Variants in DLGAP4 observed in about 807,000 individuals in gnomAD.
DLGAP4 encodes DLG associated protein 4, also known as disks large-associated protein 4.
A neutral mutation model predicts 86.9 loss-of-function variants in DLGAP4; 18 were observed. The observed-to-expected ratio is 0.21, with a 90% CI of 0.14 to 0.31. The LOEUF (loss-of-function observed/expected upper bound fraction) is 0.31. Ranked by LOEUF, DLGAP4 falls within the 10% of genes least tolerant of loss-of-function variation. DLGAP4 has a pLI of 1.00. For missense variants in DLGAP4, 1,085 were observed against 1,362.6 expected (o/e 0.80, Z 3.21); for synonymous variants, 548 against 574.3 (o/e 0.95, Z 0.65).
Position 36,500,585 on chromosome 20 carries a change from C to T in DLGAP4, c.2486C>T (p.Thr829Ile). The T allele has an allele frequency of 1.3e-6, 2 of 1,509,000 alleles. No individual in the cohort carries two copies. Among genetic ancestry groups the T allele is most frequent in the South Asian group, 2.7e-5 (2 of 73,410 alleles). The allele number at this position is 1,509,000 out of a possible 1,614,324, so 93.5% of individuals were successfully genotyped here. The change falls in exon 10 of 13, where the codon ACC becomes ATC. Residue 829 changes from threonine (T) to isoleucine (I), a missense_variant. By Grantham distance (89) the Thr-to-Ile change is moderately conservative. Transcript: ENST00000339266. This position sits in a 1 kb window ranked among gnomAD's most constrained non-coding sequence, Gnocchi z 4.6. ...TGGTGCTGCCAGATGGACAAGGAGACCAAAGAGAACAACCTCTCTGAAGAA... is the reference window on the plus strand; with the variant it reads ...TGGTGCTGCCAGATGGACAAGGAGATCAAAGAGAACAACCTCTCTGAAGAA... ...EGWCCQMDKE[T>I]KENNLSEEVL...
chr20:36,318,488 T>A (rs1177018401), intron 1 of DLGAP4, among the ~76,000 whole-genome samples: 2 of 152,168 alleles, frequency 1.3e-5, no homozygotes, highest in African/African-American at 4.8e-5. Context: ...TCCTCCCCAC[T>A]CAGCCTCCCG....
intron 1 of DLGAP4, among the ~76,000 whole-genome samples, chr20:36,339,269 G>A (rs1055103039): frequency 6.6e-6 from 1 of 152,154 alleles, no homozygotes; most frequent in African/African-American, 2.4e-5. Flanking sequence ...TGTATTTTTA[G>A]TAGAGACGGG....
intron 1 of DLGAP4, among the ~76,000 whole-genome samples, chr20:36,325,893 T>A (rs919266971): frequency 7.2e-5 from 11 of 151,900 alleles, no homozygotes; most frequent in Non-Finnish European, 1.6e-4. Context: ...GATTTTTGTA[T>A]TTTTAGTAGA....
intron 7 of DLGAP4, among the ~76,000 whole-genome samples, chr20:36,463,112 G>C (rs1482126860): frequency 1.3e-5 from 2 of 152,106 alleles, no homozygotes; most frequent in Non-Finnish European, 2.9e-5. Flanking sequence ...GTGCTGCCTG[G>C]ATCTTGCTGA....
rs567386057 is a variant in DLGAP4, at chr20:36,390,050, G to A, written c.-73+22775G>A. Among the ~76,000 whole-genome samples the A allele has an allele frequency of 8.9e-4, 135 of 152,364 alleles. 1 individual carries two copies. In the South Asian group the frequency reaches 0.025, roughly 28 times the overall value. On this transcript the variant is annotated intron_variant, in intron 2 of 12. Coordinates refer to ENST00000339266, the MANE Select transcript of DLGAP4 (RefSeq NM_001365621.2). The stretch of plus-strand genomic sequence containing the variant: ...GCCAGGACCACACCTATCCTGCTGC[G>A]TGGCAGCATGGGCTCCAGGCTGAAA...
At chr20:36,460,424 G>A (rs1487516586) in intron 7 of DLGAP4, among the ~76,000 whole-genome samples, 1 of 152,212 alleles carries the variant, frequency 6.6e-6, no homozygotes, top group African/African-American at 2.4e-5. Flanking sequence ...CCTCAATTCC[G>A]TTTATTATTT....
At chr20:36,336,636 G>A (rs1181852512) in intron 1 of DLGAP4, among the ~76,000 whole-genome samples, 4 of 152,178 alleles carry the variant, frequency 2.6e-5, no homozygotes, top group African/African-American at 9.7e-5. Flanking sequence ...CTAACTGTGG[G>A]TGTGTGTGGG....
At chr20:36,502,918 T>A (rs2036206149) in intron 10 of DLGAP4, among the ~76,000 whole-genome samples, 1 of 151,938 alleles carries the variant, frequency 6.6e-6, no homozygotes, top group Admixed American at 6.6e-5. Flanking sequence ...AGAGATGGGG[T>A]TTCACTGTGT....
At position 36,446,712 on chromosome 20, in the gene DLGAP4, C is replaced by T. The variant is rs2033601437; in HGVS notation, c.1423C>T (p.Leu475=). 6.2e-7 allele frequency: 1 copy of T among 1,605,166 alleles called. No individual in the cohort carries two copies. Among genetic ancestry groups the T allele is most frequent in the Non-Finnish European group, 8.5e-7 (1 of 1,173,486 alleles). The part of the protein sequence containing the change: ...GHEQQVREAE[L]SDQYEAACES... ...GCCTGGACAGGTACGGGAGGCAGAG[C>T]TGAGTGACCAGTATGAGGCGGCCTG... The change falls in exon 7 of 13, where the codon CTG becomes TTG. Residue 475 remains leucine, a synonymous_variant. Coordinates refer to ENST00000339266, the MANE Select transcript of DLGAP4 (RefSeq NM_001365621.2).
At chr20:36,486,435 G>A (rs1191694656) in intron 7 of DLGAP4, among the ~76,000 whole-genome samples, 1 of 152,038 alleles carries the variant, frequency 6.6e-6, no homozygotes, top group East Asian at 1.9e-4. Flanking sequence ...CAACATGAGG[G>A]TGAAGTTAGT....
intron 7 of DLGAP4, among the ~76,000 whole-genome samples, chr20:36,467,025 T>TCG (rs2034419342): frequency 1.8e-5 from 1 of 54,802 alleles, no homozygotes; most frequent in African/African-American, 8.5e-5. Context: ...CTCCTCTCTC[T>TCG]CTCTCTCTCT....
Position 36,527,041 on chromosome 20 carries a change from G to A in DLGAP4, c.*10G>A. ...CCAGACCAGGCTCTGAGACCATGCA[G>A]GAGGAAAGAAACGATTTTAAATCAT... On this transcript the variant is annotated 3_prime_UTR_variant, in exon 13 of 13. Coordinates refer to ENST00000339266, the MANE Select transcript of DLGAP4 (RefSeq NM_001365621.2). The A allele has an allele frequency of 1.3e-6, 2 of 1,572,566 alleles. No individual in the cohort carries two copies. The highest frequency in any genetic ancestry group is 1.7e-6 in the Non-Finnish European group (2 of 1,161,070).
rs140477192 is a variant in DLGAP4, at chr20:36,522,342, TAGAG to T, written c.2513-1903_2513-1900del. Among the ~76,000 whole-genome samples the T allele has an allele frequency of 2.1e-3, 312 of 152,144 alleles. 2 individuals are homozygous for T. The highest frequency in any genetic ancestry group is 0.013 in the East Asian group (68 of 5,166). On this transcript the variant is annotated intron_variant, in intron 10 of 12. Coordinates refer to ENST00000339266, the MANE Select transcript of DLGAP4 (RefSeq NM_001365621.2). ...CCCAGCTAATTTTTGAATTTTTTCA[TAGAG>T]AGAGGGTTTCACTTTGTTGCCCAGG... is the stretch of plus-strand genomic sequence containing the variant.
intron 10 of DLGAP4, among the ~76,000 whole-genome samples, chr20:36,520,255 TTATATA>T (rs370414314): frequency 2.0e-5 from 3 of 151,972 alleles, no homozygotes; most frequent in Admixed American, 6.6e-5. Context: ...TAGGGAATTC[TTATATA>T]TATATATTCT....
rs1555889512 is a variant in DLGAP4 at position 36,306,751 on chromosome 20, TC to T, written c.-304+243del. Among the ~76,000 whole-genome samples the T allele has an allele frequency of 6.6e-6, 1 of 151,898 alleles. No individual in the cohort carries two copies. The highest frequency in any genetic ancestry group is 1.9e-4 in the East Asian group (1 of 5,134). ...CGGTTGGGATCGCCCCATCCATGTC[TC>T]CCCGGACCCTCAAATCGGGGGCGGC... On this transcript the variant is annotated intron_variant, in intron 1 of 12. Coordinates refer to ENST00000339266, the MANE Select transcript of DLGAP4 (RefSeq NM_001365621.2). This position sits in a 1 kb window ranked among gnomAD's most constrained non-coding sequence, Gnocchi z 4.9.
At chr20:36,407,018 C>T (rs989431666) in intron 2 of DLGAP4, among the ~76,000 whole-genome samples, 1 of 152,004 alleles carries the variant, frequency 6.6e-6, no homozygotes, top group East Asian at 1.9e-4. Context: ...GACCCAGGTT[C>T]GTATCCTAGC....
chr20:36,491,028 A>C (rs982348970), intron 7 of DLGAP4, among the ~76,000 whole-genome samples: 2 of 139,066 alleles, frequency 1.4e-5, no homozygotes, highest in African/African-American at 5.5e-5. Context: ...CCCCATCTCT[A>C]CTAAAAAAAA....
rs147767659 is a variant in DLGAP4 at position 36,500,593 on chromosome 20, A to G, written c.2494A>G (p.Asn832Asp). 7.3e-6 allele frequency: 11 copies of G among 1,501,540 alleles called. No homozygotes were observed. Among genetic ancestry groups the G allele is most frequent in the Non-Finnish European group, 9.8e-6 (11 of 1,125,424 alleles). The allele number at this position is 1,501,540 out of a possible 1,614,324, so 93.0% of individuals were successfully genotyped here. A position where few individuals can be genotyped will look rare whatever the true frequency, so the allele number is the denominator to read the frequency against. ...CCQMDKETKE[N>D]NLSEEVLGKV... ...CCAGATGGACAAGGAGACCAAAGAGAACAACCTCTCTGAAGAAGGTGGGTG... is the reference window on the plus strand; with the variant it reads ...CCAGATGGACAAGGAGACCAAAGAGGACAACCTCTCTGAAGAAGGTGGGTG... The change falls in exon 10 of 13, where the codon AAC becomes GAC. Residue 832 changes from asparagine to aspartate, a missense_variant. Asn to Asp is a conservative substitution (Grantham distance 23). Transcript: ENST00000339266. The surrounding 1 kb of genome is among the most constrained non-coding windows in gnomAD (Gnocchi z 4.6).
chr20:36,447,901 TG>T (rs71184097), intron 7 of DLGAP4, among the ~76,000 whole-genome samples: 3,081 of 52,342 alleles, frequency 0.059, 145 homozygotes, highest in African/African-American at 0.19. Context: ...ATCAGGGGGG[TG>T]GGGGGGGGGG....
Sources: allele counts gnomAD v4.1 joint callset (sites outside exome capture counted in the v4.1 genomes callset), GRCh38; gene constraint gnomAD v4.1.1; non-coding constraint Gnocchi (gnomAD v3.1); transcripts MANE v1.5; gene names NCBI Gene and HGNC (gene_info 2026-07-23, HGNC 2026-07-21).